Variants in LINGO2 observed in about 807,000 individuals in gnomAD.
LINGO2 encodes the protein leucine rich repeat and Ig domain containing 2, also known as leucine-rich repeat and immunoglobulin-like domain-containing nogo receptor-interacting protein 2.
A neutral mutation model predicts 30.6 loss-of-function variants in LINGO2; 14 were observed. That is an observed-to-expected ratio of 0.46 (90% CI 0.30 to 0.72). The LOEUF is 0.72. LINGO2 is among the 30% of genes least tolerant of loss of function. LINGO2 has a pLI of 0.07. For missense variants in LINGO2, 729 were observed against 751.7 expected (o/e 0.97, Z 0.35); for synonymous variants, 317 against 288.5 (o/e 1.10, Z -1.00).
chr9:28,053,634 G>A (rs575458541), intron 4 of LINGO2, among the ~76,000 whole-genome samples: 2 of 152,132 alleles, frequency 1.3e-5, no homozygotes, highest in South Asian at 2.1e-4. Flanking sequence ...GGTTCTTAGC[G>A]CTGGTTGCAA....
chr9:28,044,260 C>A (rs1824317372), intron 4 of LINGO2, among the ~76,000 whole-genome samples: 1 of 152,080 alleles, frequency 6.6e-6, no homozygotes, highest in Admixed American at 6.5e-5. Flanking sequence ...CATTCATCTC[C>A]CATTATGGTG....
At chr9:28,970,971 A>G in the LINGO2 span, among the ~76,000 whole-genome samples, 1 of 152,112 alleles carries the variant, frequency 6.6e-6, no homozygotes, top group Non-Finnish European at 1.5e-5. Context: ...TCCAAAAGAG[A>G]CCCATTCTTT....
intron 3 of LINGO2, among the ~76,000 whole-genome samples, chr9:28,320,752 G>A (rs939783141): frequency 7.2e-5 from 11 of 152,090 alleles, no homozygotes; most frequent in African/African-American, 2.7e-4. Flanking sequence ...ATTCAATAGA[G>A]GACTCTCAAT....
intron 4 of LINGO2, among the ~76,000 whole-genome samples, chr9:28,094,221 G>GT (rs1826179182): frequency 6.6e-6 from 1 of 152,108 alleles, no homozygotes; most frequent in African/African-American, 2.4e-5. Flanking sequence ...AGGAGGAATA[G>GT]TAACTTAATT....
intron 3 of LINGO2, among the ~76,000 whole-genome samples, chr9:28,346,357 C>A (rs145114270): frequency 6.6e-6 from 1 of 152,154 alleles, no homozygotes; most frequent in African/African-American, 2.4e-5. Context: ...ATCCATGTTC[C>A]CACAAAGGAC....
At chr9:29,131,309 A>C in the LINGO2 span, among the ~76,000 whole-genome samples, 1,703 of 152,242 alleles carry the variant, frequency 0.011, 31 homozygotes, top group African/African-American at 0.039. Flanking sequence ...GAATCAGCTT[A>C]ATTTTACAAC....
At chr9:28,838,050 G>A in the LINGO2 span, among the ~76,000 whole-genome samples, 29 of 152,224 alleles carry the variant, frequency 1.9e-4, no homozygotes, top group African/African-American at 6.7e-4. Flanking sequence ...CAAATACTTT[G>A]AGTCAGAGGC....
At chr9:29,160,283 AT>A in the LINGO2 span, among the ~76,000 whole-genome samples, 1 of 152,232 alleles carries the variant, frequency 6.6e-6, no homozygotes, top group African/African-American at 2.4e-5. Flanking sequence ...CACTGCAGCA[AT>A]GAAGCATAAC....
rs545694133 is a variant in LINGO2, at chr9:28,203,351, A to G, written c.-87+91857T>C. ...GGGAGGAAGCACCTATTTGGTTTGCATGGCATAAAGATGGACTCCAACCAC... is the reference window on the plus strand; with the variant it reads ...GGGAGGAAGCACCTATTTGGTTTGCGTGGCATAAAGATGGACTCCAACCAC... On this transcript the variant is annotated intron_variant, in intron 4 of 5. Coordinates refer to ENST00000379992, the Ensembl canonical transcript of LINGO2. Among the ~76,000 whole-genome samples, 143 of 152,304 alleles carry G rather than the reference A, an allele frequency of 9.4e-4. 1 individual carries two copies. The highest frequency in any genetic ancestry group is 3.4e-3 in the African/African-American group (140 of 41,574).
chr9:28,217,493 C>A (rs1820809295), intron 4 of LINGO2, among the ~76,000 whole-genome samples: 1 of 152,054 alleles, frequency 6.6e-6, no homozygotes, highest in African/African-American at 2.4e-5. Context: ...TACCCTTATG[C>A]ATGACTGTTT....
chr9:29,073,837 G>A, the LINGO2 span, among the ~76,000 whole-genome samples: 958 of 152,232 alleles, frequency 6.3e-3, 5 homozygotes, highest in Middle Eastern at 0.024. Flanking sequence ...AAACACAAAT[G>A]TTTATTTGAC....
At chr9:28,663,618 A>C (rs1828673005) in intron 1 of LINGO2, among the ~76,000 whole-genome samples, 1 of 152,200 alleles carries the variant, frequency 6.6e-6, no homozygotes, top group East Asian at 1.9e-4. Context: ...AACTGGAATA[A>C]GTTCCTCTGC....
intron 5 of LINGO2, among the ~76,000 whole-genome samples, chr9:27,964,686 C>T (rs182213991): frequency 1.1e-3 from 172 of 152,120 alleles, no homozygotes; most frequent in African/African-American, 4.0e-3. Flanking sequence ...CTATAGATAA[C>T]TTAATGTCCT....
At chr9:29,064,111 A>G in the LINGO2 span, among the ~76,000 whole-genome samples, 1 of 152,180 alleles carries the variant, frequency 6.6e-6, no homozygotes, top group South Asian at 2.1e-4. Flanking sequence ...AATAATATCA[A>G]TAATCATGAC....
At chr9:28,573,323 G>A (rs1411351876) in intron 1 of LINGO2, among the ~76,000 whole-genome samples, 2 of 152,098 alleles carry the variant, frequency 1.3e-5, no homozygotes, top group African/African-American at 4.8e-5. Context: ...TGTACCAAGT[G>A]AAATCTTTAC....
intron 5 of LINGO2, among the ~76,000 whole-genome samples, chr9:28,000,459 C>T (rs1263540300): frequency 6.6e-6 from 1 of 152,090 alleles, no homozygotes; most frequent in African/African-American, 2.4e-5. Context: ...ATTTCAAAAG[C>T]CTGAGTCAAT....
the LINGO2 span, among the ~76,000 whole-genome samples, chr9:28,927,911 C>A: frequency 6.6e-6 from 1 of 152,194 alleles, no homozygotes; most frequent in Non-Finnish European, 1.5e-5. Context: ...GATTCAGAGA[C>A]AAGCAGCCCA....
At chr9:28,565,955 ATATATC>A (rs1291326078) in intron 1 of LINGO2, among the ~76,000 whole-genome samples, 3 of 152,248 alleles carry the variant, frequency 2.0e-5, no homozygotes, top group Admixed American at 2.0e-4. Flanking sequence ...CTGTATATCT[ATATATC>A]TATATCTGTA....
the LINGO2 span, among the ~76,000 whole-genome samples, chr9:28,695,749 TAAA>T: frequency 1.4e-5 from 2 of 142,430 alleles, no homozygotes; most frequent in Non-Finnish European, 3.1e-5. Flanking sequence ...GCATTTCTGT[TAAA>T]AAAAAAAAAA....
Sources: gnomAD v4.1 joint callset for allele counts (sites outside exome capture counted in the v4.1 genomes callset) on GRCh38, gnomAD v4.1.1 for gene constraint, MANE v1.5 for transcripts, NCBI Gene and HGNC (gene_info 2026-07-23, HGNC 2026-07-21) for gene names.